Variants in GLI2 observed in about 807,000 individuals in gnomAD.
GLI2 encodes transcription activator GLI2.
Under a neutral mutation model 78.9 loss-of-function variants are expected in GLI2, and 22 were observed. The ratio of observed to expected loss-of-function variants is 0.28; its 90% CI spans 0.20 to 0.40. GLI2 has a LOEUF of 0.40. GLI2 is among the 10% of genes least tolerant of loss of function. The pLI is 1.00. For synonymous variants in GLI2, 974 were observed against 963.7 expected, an observed-to-expected ratio of 1.01 and a Z score of -0.20; for missense variants, 2,097 against 2,213.2, an observed-to-expected ratio of 0.95 and a Z score of 1.05.
At chr2:120,758,637 A>G (rs1347783842) in intron 1 of GLI2, among the ~76,000 whole-genome samples, 1 of 152,212 alleles carries the variant, frequency 6.6e-6, no homozygotes, top group Non-Finnish European at 1.5e-5. Flanking sequence ...ACAGTGGAAA[A>G]TGGAAAATAT....
chr2:120,749,847 G>A lies in GLI2; in HGVS notation c.-31+13562G>A, dbSNP rs186622458. ...AAGAGGGGGGCCTTGGAGACCAAGT[G>A]CCGCATCAGCCCCCACCACTAGGTA... On this transcript the variant is annotated intron_variant, in intron 1 of 13. Coordinates refer to ENST00000361492, the MANE Select transcript of GLI2 (RefSeq NM_001374353.1). Among the ~76,000 whole-genome samples the A allele has an allele frequency of 1.7e-3, 262 of 152,308 alleles. 1 individual carries two copies. Among genetic ancestry groups the A allele is most frequent in the African/African-American group, 6.1e-3 (255 of 41,566 alleles).
intron 4 of GLI2, chr2:120,951,903 C>T (rs1326154135): frequency 1.3e-5 from 2 of 155,414 alleles, no homozygotes; most frequent in Non-Finnish European, 1.4e-5. Context: ...CCCTGGGGCT[C>T]CGGGGATGAA....
At chr2:120,972,790 C>T (rs1682252889) in intron 8 of GLI2, 3 of 466,144 alleles carry the variant, frequency 6.4e-6, no homozygotes, top group African/African-American at 3.9e-5. Context: ...AGCGGAGCAG[C>T]CCACAGCCCA....
chr2:120,886,148 A>C (rs1006576264), intron 2 of GLI2, among the ~76,000 whole-genome samples: 1 of 131,626 alleles, frequency 7.6e-6, no homozygotes. Flanking sequence ...CCCCTATTCT[A>C]ATTTTTCCAA....
chr2:120,776,226 ATGT>A (rs1302618541), intron 1 of GLI2, among the ~76,000 whole-genome samples: 1 of 152,214 alleles, frequency 6.6e-6, no homozygotes, highest in Admixed American at 6.5e-5. Context: ...AGCACCGGAC[ATGT>A]TGTTCCCGCT....
chr2:120,930,360 T>C (rs1679890620), intron 3 of GLI2, among the ~76,000 whole-genome samples: 1 of 152,252 alleles, frequency 6.6e-6, no homozygotes, highest in South Asian at 2.1e-4. Flanking sequence ...ATTTTACAAA[T>C]GAAGGAACTG....
At chr2:120,941,011 GCCATCAGAGGC>G (rs1376764117) in intron 3 of GLI2, among the ~76,000 whole-genome samples, 1 of 152,200 alleles carries the variant, frequency 6.6e-6, no homozygotes, top group Non-Finnish European at 1.5e-5. Context: ...CACCATCAGT[GCCATCAGAGGC>G]CCATGCTCAG....
intron 3 of GLI2, among the ~76,000 whole-genome samples, chr2:120,932,612 C>T (rs1679997146): frequency 6.6e-6 from 1 of 152,216 alleles, no homozygotes; most frequent in African/African-American, 2.4e-5. Flanking sequence ...TCAGCTTTCT[C>T]ATCTATAGAA....
intron 1 of GLI2, among the ~76,000 whole-genome samples, chr2:120,745,687 T>A (rs1487866384): frequency 1.3e-5 from 2 of 152,230 alleles, no homozygotes; most frequent in African/African-American, 4.8e-5. Context: ...TGCTTGATGC[T>A]AATGTTACAA....
At chr2:120,922,050 G>A (rs1329686396) in intron 2 of GLI2, among the ~76,000 whole-genome samples, 2 of 152,144 alleles carry the variant, frequency 1.3e-5, no homozygotes, top group Non-Finnish European at 2.9e-5. Flanking sequence ...CTGACACTAT[G>A]TTATAAATAT....
intron 1 of GLI2, among the ~76,000 whole-genome samples, chr2:120,750,212 G>C (rs1682822731): frequency 6.6e-6 from 1 of 152,240 alleles, no homozygotes; most frequent in Non-Finnish European, 1.5e-5. Context: ...TGAGTCCCCA[G>C]CTCTCTGAGG....
intron 2 of GLI2, among the ~76,000 whole-genome samples, chr2:120,897,140 G>T (rs972114456): frequency 2.0e-5 from 3 of 152,188 alleles, no homozygotes; most frequent in African/African-American, 7.2e-5. Context: ...CGCTCCAGCC[G>T]CCACGCCCTC....
At chr2:120,880,992 T>A (rs1315853568) in intron 2 of GLI2, among the ~76,000 whole-genome samples, 2 of 152,240 alleles carry the variant, frequency 1.3e-5, no homozygotes, top group African/African-American at 4.8e-5. Flanking sequence ...CAGCACCCCC[T>A]GTTACCATGA....
At chr2:120,951,711 G>T in intron 4 of GLI2, 1 of 401,194 alleles carries the variant, frequency 2.5e-6, no homozygotes, top group Middle Eastern at 6.3e-4. Context: ...GGTAGGTCCT[G>T]TGTAGCTGAG....
At chr2:120,798,977 A>T (rs955316289) in intron 2 of GLI2, among the ~76,000 whole-genome samples, 2 of 152,090 alleles carry the variant, frequency 1.3e-5, no homozygotes, top group East Asian at 1.9e-4. Flanking sequence ...CCTCCGCCCC[A>T]CACCCTGCCT....
At position 120,811,540 on chromosome 2, in the gene GLI2, G is replaced by T. The variant is rs554143743; in HGVS notation, c.148+14072G>T. 1.6e-4 allele frequency among the ~76,000 whole-genome samples: 24 copies of T among 152,288 alleles called. No individual in the cohort carries two copies. In the South Asian group the frequency reaches 5.0e-3, roughly 32 times the overall value. The stretch of plus-strand genomic sequence containing the variant: ...GTGGAGGTGAGCAGAGGCTCAACGA[G>T]GGGTGGATGACAGGGCACATGCCAG... On this transcript the variant is annotated intron_variant, in intron 2 of 13. Transcript: ENST00000361492.
At chr2:120,923,949 C>A (rs1161549544) in intron 2 of GLI2, among the ~76,000 whole-genome samples, 1 of 152,302 alleles carries the variant, frequency 6.6e-6, no homozygotes, top group East Asian at 1.9e-4. Flanking sequence ...TGGCAAACCA[C>A]TGAAGCTCAC....
intron 2 of GLI2, among the ~76,000 whole-genome samples, chr2:120,926,861 G>A (rs1026999221): frequency 1.3e-5 from 2 of 152,234 alleles, no homozygotes; most frequent in Non-Finnish European, 1.5e-5. Context: ...GCAGTTGGGT[G>A]GGATTTGGCC....
chr2:120,807,209 G>T (rs1273049983), intron 2 of GLI2, among the ~76,000 whole-genome samples: 1 of 152,152 alleles, frequency 6.6e-6, no homozygotes, highest in Non-Finnish European at 1.5e-5. Flanking sequence ...ATGGTCTGGG[G>T]GATGGGGCCT....
Sources: allele counts gnomAD v4.1 joint callset (sites outside exome capture counted in the v4.1 genomes callset), GRCh38; gene constraint gnomAD v4.1.1; transcripts MANE v1.5; gene names NCBI Gene and HGNC (gene_info 2026-07-23, HGNC 2026-07-21).